ZNF892: variants seen among roughly 807,000 people sequenced by gnomAD.
The protein encoded by ZNF892 is zinc finger protein 892.
chr2:95,215,361 A>C, the ZNF892 span: 2 of 459,838 alleles, frequency 4.3e-6, no homozygotes, highest in East Asian at 6.6e-5. Context: ...CACTGGAGAG[A>C]AACCTTACAA....
At chr2:95,251,581 T>C in the ZNF892 span, among the ~76,000 whole-genome samples, 1 of 152,172 alleles carries the variant, frequency 6.6e-6, no homozygotes, top group East Asian at 1.9e-4. Context: ...GAGACCCTCA[T>C]TGTTAACAAG....
chr2:95,242,237 C>T, the ZNF892 span, among the ~76,000 whole-genome samples: 1 of 152,086 alleles, frequency 6.6e-6, no homozygotes, highest in African/African-American at 2.4e-5. Context: ...TAAGAGCAGC[C>T]AGAGAGAAAG....
chr2:95,249,621 C>G, the ZNF892 span, among the ~76,000 whole-genome samples: 1 of 152,040 alleles, frequency 6.6e-6, no homozygotes, highest in Non-Finnish European at 1.5e-5. Context: ...TTTGAATCAT[C>G]TCAATATTAA....
chr2:95,251,089 G>A, the ZNF892 span, among the ~76,000 whole-genome samples: 1 of 151,450 alleles, frequency 6.6e-6, no homozygotes, highest in Non-Finnish European at 1.5e-5. Context: ...AGCCAGTTCA[G>A]TAGAGCTCTT....
chr2:95,216,305 C>G, the ZNF892 span, among the ~76,000 whole-genome samples: 2 of 152,224 alleles, frequency 1.3e-5, no homozygotes, highest in Non-Finnish European at 2.9e-5. Context: ...TCTTTTAGAC[C>G]TTGCTTATTG....
the ZNF892 span, among the ~76,000 whole-genome samples, chr2:95,246,884 A>G: frequency 6.6e-6 from 1 of 152,228 alleles, no homozygotes; most frequent in African/African-American, 2.4e-5. Context: ...AAAACATTCC[A>G]TGCTCATGGA....
chr2:95,207,621 C>G, the ZNF892 span: 7 of 392,134 alleles, frequency 1.8e-5, no homozygotes, highest in Non-Finnish European at 3.1e-5. Context: ...GAGGTCGAAC[C>G]CAGGGTAGAG....
the ZNF892 span, among the ~76,000 whole-genome samples, chr2:95,233,517 C>CA: frequency 1.2e-4 from 18 of 150,874 alleles, no homozygotes; most frequent in Admixed American, 7.9e-4. Flanking sequence ...ACTAAAAATA[C>CA]AAAAAATTAG....
At chr2:95,218,109 C>T in the ZNF892 span, among the ~76,000 whole-genome samples, 2 of 152,184 alleles carry the variant, frequency 1.3e-5, no homozygotes, top group Non-Finnish European at 2.9e-5. Context: ...ATTTATATTC[C>T]TGGCTTCTCC....
chr2:95,210,025 A>G, the ZNF892 span, among the ~76,000 whole-genome samples: 1 of 152,022 alleles, frequency 6.6e-6, no homozygotes, highest in African/African-American at 2.4e-5. Context: ...AGACTGAAAT[A>G]TGCATTAGAA....
At chr2:95,258,154 G>A in the ZNF892 span, among the ~76,000 whole-genome samples, 4 of 152,290 alleles carry the variant, frequency 2.6e-5, no homozygotes, top group African/African-American at 9.6e-5. Context: ...CATCTTCTGC[G>A]TCGCTCACGC....
chr2:95,227,029 A>G, the ZNF892 span, among the ~76,000 whole-genome samples: 8 of 152,176 alleles, frequency 5.3e-5, no homozygotes, highest in Non-Finnish European at 8.8e-5. Flanking sequence ...TTTCAAGACA[A>G]TGAAATAATC....
chr2:95,210,185 G>GTA, the ZNF892 span, among the ~76,000 whole-genome samples: 3 of 147,630 alleles, frequency 2.0e-5, no homozygotes, highest in Non-Finnish European at 3.0e-5. Context: ...GTGTATATAT[G>GTA]TATATGTGTA....
chr2:95,262,925 T>C, the ZNF892 span, among the ~76,000 whole-genome samples: 3 of 152,192 alleles, frequency 2.0e-5, no homozygotes, highest in Admixed American at 2.0e-4. Flanking sequence ...ATAGGCAGAA[T>C]TCTAAAGATG....
the ZNF892 span, chr2:95,214,812 C>G: frequency 2.1e-6 from 1 of 469,242 alleles, no homozygotes; most frequent in Admixed American, 3.4e-5. Flanking sequence ...AGCCTTTAGC[C>G]AGAGCATACA....
At chr2:95,255,856 T>A in the ZNF892 span, among the ~76,000 whole-genome samples, 1 of 152,234 alleles carries the variant, frequency 6.6e-6, no homozygotes, top group Admixed American at 6.5e-5. Context: ...TCTCTTTTGA[T>A]CTTTGTTGGT....
At chr2:95,235,628 C>T in the ZNF892 span, among the ~76,000 whole-genome samples, 2 of 152,242 alleles carry the variant, frequency 1.3e-5, no homozygotes, top group East Asian at 1.9e-4. Flanking sequence ...CCCAAAATGC[C>T]AGGATTACAG....
the ZNF892 span, among the ~76,000 whole-genome samples, chr2:95,208,285 T>C: frequency 6.6e-6 from 1 of 152,136 alleles, no homozygotes; most frequent in African/African-American, 2.4e-5. Context: ...GAAAAGTCAG[T>C]GTTCAAAAAG....
chr2:95,251,860 G>A, the ZNF892 span, among the ~76,000 whole-genome samples: 1 of 152,200 alleles, frequency 6.6e-6, no homozygotes, highest in Non-Finnish European at 1.5e-5. Context: ...ACAAGAAAAC[G>A]AAGACTCTTT....
Sources: gnomAD v4.1 joint callset for allele counts (sites outside exome capture counted in the v4.1 genomes callset) on GRCh38, gnomAD v4.1.1 for gene constraint, MANE v1.5 for transcripts, NCBI Gene and HGNC (gene_info 2026-07-23, HGNC 2026-07-21) for gene names.